KCNJ13: variants seen among roughly 807,000 people sequenced by gnomAD.
The protein encoded by KCNJ13 is potassium inwardly rectifying channel subfamily J member 13, also known as inward rectifier potassium channel 13.
KCNJ13 carries 9 observed loss-of-function variants against 24.6 expected under a neutral mutation model. The ratio of observed to expected loss-of-function variants is 0.37; its 90% CI spans 0.22 to 0.64. The LOEUF is 0.64. Among genes scored for constraint, KCNJ13 ranks in the 30% least tolerant of loss-of-function variants. The pLI is 0.64. For synonymous variants in KCNJ13, 148 were observed against 154.7 expected (o/e 0.96, Z 0.32); for missense variants, 337 against 443.8 (o/e 0.76, Z 2.16).
intron 2 of KCNJ13, among the ~76,000 whole-genome samples, chr2:232,769,714 C>T (rs551977443): frequency 1.6e-4 from 25 of 151,860 alleles, no homozygotes; most frequent in African/African-American, 5.8e-4. Flanking sequence ...ATTTTGTTGG[C>T]GGGCTGTTGG....
Position 232,765,969 on chromosome 2 carries a change from AG to A in KCNJ13, c.*2221del. The A allele has an allele frequency of 2.1e-6, 1 of 467,232 alleles. No individual in the cohort carries two copies. Among genetic ancestry groups the A allele is most frequent in the Non-Finnish European group, 4.4e-6 (1 of 225,618 alleles). The allele number at this position is 467,232 out of a possible 1,614,324, so 28.9% of individuals were successfully genotyped here. On this transcript the variant is annotated 3_prime_UTR_variant, in exon 3 of 3. Coordinates refer to ENST00000233826, the MANE Select transcript of KCNJ13 (RefSeq NM_002242.4). Reference sequence around the variant, plus strand: ...TGCAAGACTTCATGACCAAGCTCCCAGATGATCCAGGTTAGTGAGCTGCACA... The same window carrying A: ...TGCAAGACTTCATGACCAAGCTCCCAATGATCCAGGTTAGTGAGCTGCACA...
At chr2:232,771,689 C>T (rs1172098549) in intron 1 of KCNJ13, among the ~76,000 whole-genome samples, 1 of 152,128 alleles carries the variant, frequency 6.6e-6, no homozygotes, top group East Asian at 1.9e-4. Context: ...CTGTGTCTTC[C>T]TTGCACAAGT....
intron 1 of KCNJ13, among the ~76,000 whole-genome samples, chr2:232,773,641 G>A (rs974321): frequency 0.73 from 111,199 of 151,920 alleles, 41,649 homozygotes; most frequent in African/African-American, 0.89. Flanking sequence ...TGTTAACTTT[G>A]TTCATGATTC....
chr2:232,772,127 T>G (rs1252197402), intron 1 of KCNJ13, among the ~76,000 whole-genome samples: 3 of 152,202 alleles, frequency 2.0e-5, no homozygotes, highest in African/African-American at 7.2e-5. Context: ...TTGCCTAGGC[T>G]GGTCTCAGAC....
intron 2 of KCNJ13, among the ~76,000 whole-genome samples, chr2:232,769,969 CTGG>C (rs1226483646): frequency 2.0e-5 from 3 of 152,078 alleles, no homozygotes; most frequent in African/African-American, 7.2e-5. Context: ...ACTAATACTG[CTGG>C]TGGTATTGTT....
rs1699009218 is a variant in KCNJ13 at position 232,767,224 on chromosome 2, T to G, written c.*967A>C. On this transcript the variant is annotated 3_prime_UTR_variant, in exon 3 of 3. Coordinates refer to ENST00000233826, the MANE Select transcript of KCNJ13 (RefSeq NM_002242.4). ...TTGAGTTTGAAAATGCTTTGTTGCC[T>G]AATTATCTTTTGCTTTATCTACTGT... The G allele has an allele frequency of 6.6e-6, 1 of 152,218 alleles. No homozygotes were observed. The highest frequency in any genetic ancestry group is 2.4e-5 in the African/African-American group (1 of 41,458). 9.4% of individuals were successfully genotyped at this position (152,218 alleles called of 1,614,324 possible).
At chr2:232,770,315 A>G (rs1699181973) in intron 2 of KCNJ13, among the ~76,000 whole-genome samples, 1 of 152,224 alleles carries the variant, frequency 6.6e-6, no homozygotes, top group Admixed American at 6.5e-5. Flanking sequence ...TTCTGTGTTC[A>G]TGAGCAAAAT....
chr2:232,773,910 TAAA>T (rs61323973), intron 1 of KCNJ13, among the ~76,000 whole-genome samples: 25 of 112,780 alleles, frequency 2.2e-4, no homozygotes, highest in African/African-American at 4.4e-4. Context: ...TGTCTCTATT[TAAA>T]AAAAAAAAAA....
At chr2:232,774,945 T>C (rs570928330) in intron 1 of KCNJ13, among the ~76,000 whole-genome samples, 26 of 152,364 alleles carry the variant, frequency 1.7e-4, no homozygotes, top group Admixed American at 1.7e-3. Flanking sequence ...CCTACAACTT[T>C]TGTAGCACTC....
At chr2:232,769,867 A>C (rs765258610) in intron 2 of KCNJ13, among the ~76,000 whole-genome samples, 4 of 152,240 alleles carry the variant, frequency 2.6e-5, no homozygotes, top group Non-Finnish European at 4.4e-5. Flanking sequence ...GATACATTAA[A>C]TAACAGTCTA....
chr2:232,773,266 A>G (rs918006576), intron 1 of KCNJ13, among the ~76,000 whole-genome samples: 3 of 152,200 alleles, frequency 2.0e-5, no homozygotes, highest in African/African-American at 4.8e-5. Context: ...TTTGGAAACA[A>G]CAAAATCTTC....
intron 1 of KCNJ13, among the ~76,000 whole-genome samples, chr2:232,773,913 A>G (rs1030682880): frequency 3.4e-5 from 4 of 118,268 alleles, no homozygotes; most frequent in African/African-American, 1.5e-4. Flanking sequence ...CTCTATTTAA[A>G]AAAAAAAAAA....
chr2:232,773,016 A>T lies in KCNJ13; in HGVS notation c.-16-1638T>A, dbSNP rs190115320. On this transcript the variant is annotated intron_variant, in intron 1 of 2. Transcript: ENST00000233826. ...AGAGACTTTTTTTTGTATTTTCTTC[A>T]GATTTGAGCTAATGGAACACTGGGA... 1.3e-3 allele frequency among the ~76,000 whole-genome samples: 197 copies of T among 152,144 alleles called. 2 individuals are homozygous for T. The highest frequency in any genetic ancestry group is 0.013 in the Admixed American group (195 of 15,282).
chr2:232,772,412 A>G lies in KCNJ13; in HGVS notation c.-16-1034T>C, dbSNP rs563291510. Reference sequence around the variant, plus strand: ...ACATTTCTGGATAGCATTAGCTTTAAAAGTAAGTAAACTAGAAGAAAAAGG... The same window carrying G: ...ACATTTCTGGATAGCATTAGCTTTAGAAGTAAGTAAACTAGAAGAAAAAGG... On this transcript the variant is annotated intron_variant, in intron 1 of 2. Transcript: ENST00000233826. 3.7e-4 allele frequency among the ~76,000 whole-genome samples: 56 copies of G among 152,334 alleles called. 1 individual carries two copies. In the South Asian group the frequency reaches 0.012, roughly 32 times the overall value.
chr2:232,776,178 T>A (rs1359960475), intron 1 of KCNJ13, among the ~76,000 whole-genome samples: 1 of 152,194 alleles, frequency 6.6e-6, no homozygotes, highest in African/African-American at 2.4e-5. Context: ...AAGGCCTTTA[T>A]CCTCTACTGA....
At chr2:232,772,063 C>A (rs1277749505) in intron 1 of KCNJ13, among the ~76,000 whole-genome samples, 1 of 152,158 alleles carries the variant, frequency 6.6e-6, no homozygotes, top group Non-Finnish European at 1.5e-5. Context: ...TAGCTCACTG[C>A]AACCTCAGCA....
At chr2:232,775,385 A>G (rs548423130) in intron 1 of KCNJ13, among the ~76,000 whole-genome samples, 1 of 152,238 alleles carries the variant, frequency 6.6e-6, no homozygotes, top group Non-Finnish European at 1.5e-5. Context: ...TTAAAGCTCT[A>G]CAGACTTATG....
intron 2 of KCNJ13, among the ~76,000 whole-genome samples, chr2:232,770,042 T>C (rs1459241374): frequency 6.6e-6 from 1 of 152,096 alleles, no homozygotes; most frequent in Non-Finnish European, 1.5e-5. Context: ...GAGATACAAG[T>C]TTTTCCCATA....
In KCNJ13 at chr2:232,767,141, T is replaced by G. The variant is rs969558495; in HGVS notation, c.*1050A>C. Reference sequence around the variant, plus strand: ...TTCATCTAGTCCAACCTCCTACTGGTGAATAAACACTGATTTTGTGTTTAT... The same window carrying G: ...TTCATCTAGTCCAACCTCCTACTGGGGAATAAACACTGATTTTGTGTTTAT... On this transcript the variant is annotated 3_prime_UTR_variant, in exon 3 of 3. Coordinates refer to ENST00000233826, the MANE Select transcript of KCNJ13 (RefSeq NM_002242.4). 1 of 152,174 alleles carries G rather than the reference T, an allele frequency of 6.6e-6. No homozygotes were observed. The highest frequency in any genetic ancestry group is 2.1e-4 in the South Asian group (1 of 4,832). 9.4% of individuals were successfully genotyped at this position (152,174 alleles called of 1,614,324 possible).
Sources: allele counts gnomAD v4.1 joint callset (sites outside exome capture counted in the v4.1 genomes callset), GRCh38; gene constraint gnomAD v4.1.1; transcripts MANE v1.5; gene names NCBI Gene and HGNC (gene_info 2026-07-23, HGNC 2026-07-21).